FLYWCH2: variants seen among roughly 807,000 people sequenced by gnomAD.
FLYWCH2 encodes FLYWCH family member 2.
Under a neutral mutation model 6.0 loss-of-function variants are expected in FLYWCH2, and 2 were observed. That is an observed-to-expected ratio of 0.33 (90% confidence interval 0.14 to 1.04). FLYWCH2 has a LOEUF of 1.04. FLYWCH2 is among the 50% of genes least tolerant of loss of function. The pLI is 0.45. For missense variants in FLYWCH2, 192 were observed against 183.4 expected, an observed-to-expected ratio of 1.05 and a Z score of -0.27; for synonymous variants, 87 against 79.3, an observed-to-expected ratio of 1.10 and a Z score of -0.52.
In FLYWCH2 at chr16:2,885,344, A is replaced by C. The variant is rs10153146; in HGVS notation, c.-200+1978A>C. Among the ~76,000 whole-genome samples the C allele has an allele frequency of 6.8e-3, 1,033 of 151,906 alleles. 10 individuals carry two copies. The highest frequency in any genetic ancestry group is 0.027 in the Middle Eastern group (8 of 294). On this transcript the variant is annotated intron_variant, in intron 1 of 3. Coordinates refer to ENST00000396958, the MANE Select transcript of FLYWCH2 (RefSeq NM_138439.3). ...AAAAACAAAACAAAACAAAAAAAAA[A>C]ATATACAGTTCAGTGGCTTTAGTGT...
chr16:2,890,041 G>GT (rs1423625663), intron 1 of FLYWCH2, among the ~76,000 whole-genome samples: 1 of 151,990 alleles, frequency 6.6e-6, no homozygotes, highest in East Asian at 1.9e-4. Flanking sequence ...AGCCATGGTT[G>GT]TATCACTGCA....
chr16:2,886,092 A>T (rs1019121862), intron 1 of FLYWCH2, among the ~76,000 whole-genome samples: 1 of 152,154 alleles, frequency 6.6e-6, no homozygotes, highest in Admixed American at 6.6e-5. Context: ...GTGACTAATG[A>T]TGTTGAGCAT....
chr16:2,897,691 C>T (rs1055734390), intron 3 of FLYWCH2, among the ~76,000 whole-genome samples: 4 of 152,240 alleles, frequency 2.6e-5, no homozygotes, highest in Non-Finnish European at 5.9e-5. Flanking sequence ...CCCTGCTGTC[C>T]CCTGCAGGAG....
intron 1 of FLYWCH2, among the ~76,000 whole-genome samples, chr16:2,887,561 GTTT>G (rs902651994): frequency 2.6e-5 from 4 of 151,548 alleles, no homozygotes; most frequent in African/African-American, 9.7e-5. Context: ...TTTAATGTTT[GTTT>G]TTATTATTAT....
At chr16:2,887,313 C>CTTTTTTTTTTT (rs71158114) in intron 1 of FLYWCH2, among the ~76,000 whole-genome samples, 5 of 72,514 alleles carry the variant, frequency 6.9e-5, no homozygotes, top group African/African-American at 1.9e-4. Context: ...GCCCGGCTTT[C>CTTTTTTTTTTT]TTTTTTTTTT....
In FLYWCH2 at chr16:2,899,269, T is replaced by A; in HGVS notation, c.*120T>A. On this transcript the variant is annotated 3_prime_UTR_variant, in exon 4 of 4. Transcript: ENST00000396958. The stretch of plus-strand genomic sequence containing the variant: ...TTTTAACATTGTGTGATTTCTTTTC[T>A]TTTTTTTTTTTTTTTTAGATCAAGT... The A allele has an allele frequency of 1.1e-5, 1 of 91,172 alleles. No homozygotes were observed. The highest frequency in any genetic ancestry group is 1.9e-5 in the Non-Finnish European group (1 of 53,780). The allele number at this position is 91,172 out of a possible 1,614,324, so 5.6% of individuals were successfully genotyped here.
At chr16:2,898,608 T>G (rs2150852657) in intron 3 of FLYWCH2, 1 of 160,770 alleles carries the variant, frequency 6.2e-6, no homozygotes, top group East Asian at 1.9e-4. Flanking sequence ...CTGGGATCCA[T>G]CTAGGCCTGG....
rs756184538 is a variant in FLYWCH2, at chr16:2,896,440, G to T, written c.-10G>T. ...GAGTGTGGCCTGAGGGACAGGCCCT[G>T]GGTCCCGGGATGCCCCTGCCCGAGC... On this transcript the variant is annotated 5_prime_UTR_variant, in exon 3 of 4. Coordinates refer to ENST00000396958, the MANE Select transcript of FLYWCH2 (RefSeq NM_138439.3). 28 of 1,604,976 alleles carry T rather than the reference G, an allele frequency of 1.7e-5. No individual in the cohort carries two copies. The East Asian group carries it at 5.4e-4, about 31-fold the overall frequency.
chr16:2,892,153 T>C (rs8056903), intron 1 of FLYWCH2, among the ~76,000 whole-genome samples: 61,776 of 151,038 alleles, frequency 0.41, 12,883 homozygotes, highest in Non-Finnish European at 0.45. Flanking sequence ...GATTGCGACA[T>C]TGCACTCCAG....
intron 3 of FLYWCH2, 105 bp from the exon 4 acceptor site, chr16:2,898,944 C>A: frequency 1.3e-6 from 1 of 799,436 alleles, no homozygotes; most frequent in Non-Finnish European, 1.9e-6. Flanking sequence ...GGCCCTGGAG[C>A]ATCCACTGGT....
intron 1 of FLYWCH2, among the ~76,000 whole-genome samples, chr16:2,886,840 G>C (rs925853793): frequency 3.3e-5 from 5 of 151,882 alleles, no homozygotes; most frequent in Admixed American, 3.3e-4. Context: ...TAAATTGTTT[G>C]TTTGTTTGCT....
At chr16:2,895,931 C>T (rs2069814297) in intron 2 of FLYWCH2, among the ~76,000 whole-genome samples, 1 of 152,142 alleles carries the variant, frequency 6.6e-6, no homozygotes, top group Non-Finnish European at 1.5e-5. Context: ...ATCACCCTGG[C>T]ATGTCTCAGT....
Position 2,896,541 on chromosome 16 carries a change from C to G in FLYWCH2, c.92C>G (p.Ala31Gly). 6.2e-7 allele frequency: 1 copy of G among 1,614,196 alleles called. No homozygotes were observed. Among genetic ancestry groups the G allele is most frequent in the African/African-American group, 1.3e-5 (1 of 75,056 alleles). Reference protein sequence around the residue: ...SPKPGTEVIPAAPRKPRKFSK... With the variant: ...SPKPGTEVIPGAPRKPRKFSK... The stretch of plus-strand genomic sequence containing the variant: ...AAGCCAGGCACAGAAGTCATCCCGG[C>G]AGCCCCCAGGAAGCCCAGAAAGTTC... Residue 31 changes from alanine (A) to glycine (G), a missense_variant, in exon 3 of 4, where the codon GCA becomes GGA. Transcript: ENST00000396958.
At position 2,894,177 on chromosome 16, in the gene FLYWCH2, G is replaced by A. The variant is rs1039365071; in HGVS notation, c.-199-1043G>A. Among the ~76,000 whole-genome samples, 3 of 152,292 alleles carry A rather than the reference G, an allele frequency of 2.0e-5. No individual in the cohort carries two copies. In the East Asian group the frequency reaches 5.8e-4, roughly 29 times the overall value. Reference sequence around the variant, plus strand: ...GAGAATGGCTGCTGGCCTGGAGGAGGCTGCTAGGTCTGGGTCCCTGCCAGC... The same window carrying A: ...GAGAATGGCTGCTGGCCTGGAGGAGACTGCTAGGTCTGGGTCCCTGCCAGC... On this transcript the variant is annotated intron_variant, in intron 1 of 3. Coordinates refer to ENST00000396958, the MANE Select transcript of FLYWCH2 (RefSeq NM_138439.3).
chr16:2,898,875 G>C (rs2069851473), intron 3 of FLYWCH2, 174 bp from the exon 4 acceptor site: 1 of 497,264 alleles, frequency 2.0e-6, no homozygotes, highest in African/African-American at 2.0e-5. Context: ...CCCTGGCCTG[G>C]TGGCCTTGGG....
At chr16:2,886,187 A>T (rs1052375183) in intron 1 of FLYWCH2, among the ~76,000 whole-genome samples, 291 of 146,420 alleles carry the variant, frequency 2.0e-3, no homozygotes, top group African/African-American at 6.9e-3. Flanking sequence ...TATTGTTATT[A>T]TTTTTTTTTT....
In FLYWCH2 at chr16:2,896,653, G is replaced by C; in HGVS notation, c.204G>C (p.Leu68=). Residue 68 remains leucine (L), a synonymous_variant, in exon 3 of 4, where the codon CTG becomes CTC. Coordinates refer to ENST00000396958, the MANE Select transcript of FLYWCH2 (RefSeq NM_138439.3). ...KRKGVHCVMS[L]GVPGPATLAK... ...AGGGTGTGCACTGTGTCATGTCCCT[G>C]GGGGTGCCCGGCCCCGCCACCCTTG... 1.2e-6 allele frequency: 2 copies of C among 1,613,440 alleles called. No homozygotes were observed. Among genetic ancestry groups the C allele is most frequent in the South Asian group, 2.2e-5 (2 of 91,080 alleles).
chr16:2,895,962 C>T (rs1426469995), intron 2 of FLYWCH2, among the ~76,000 whole-genome samples: 1 of 152,164 alleles, frequency 6.6e-6, no homozygotes, highest in Non-Finnish European at 1.5e-5. Context: ...GTGACTGGGT[C>T]CATAAGAACA....
chr16:2,893,828 C>T (rs568143398), intron 1 of FLYWCH2, among the ~76,000 whole-genome samples: 13 of 151,906 alleles, frequency 8.6e-5, no homozygotes, highest in Non-Finnish European at 1.3e-4. Flanking sequence ...TTAGTGGAGA[C>T]GGGGTTTCAA....
Sources: gnomAD v4.1 joint callset for allele counts (sites outside exome capture counted in the v4.1 genomes callset) on GRCh38, gnomAD v4.1.1 for gene constraint, MANE v1.5 for transcripts, NCBI Gene and HGNC (gene_info 2026-07-23, HGNC 2026-07-21) for gene names.